DSCAML1: variants seen among roughly 807,000 people sequenced by gnomAD.
The protein encoded by DSCAML1 is DS cell adhesion molecule like 1.
In DSCAML1, 38 loss-of-function variants were observed where a neutral mutation model predicts 200.5. The observed-to-expected ratio is 0.19, with a 90% CI of 0.15 to 0.25. The LOEUF is 0.25. DSCAML1 is among the 10% of genes least tolerant of loss of function. DSCAML1 has a pLI of 1.00. For synonymous variants in DSCAML1, 1,215 were observed against 1,165.0 expected (o/e 1.04, Z -0.87); for missense variants, 2,223 against 2,858.8 (o/e 0.78, Z 5.07).
intron 3 of DSCAML1, among the ~76,000 whole-genome samples, chr11:117,591,185 C>T (rs59755550): frequency 0.1 from 15,249 of 152,154 alleles, 804 homozygotes; most frequent in Middle Eastern, 0.16. Context: ...CAGAGAGCAG[C>T]ACAGTTAGGA....
intron 3 of DSCAML1, among the ~76,000 whole-genome samples, chr11:117,578,714 C>T (rs1193236896): frequency 6.6e-6 from 1 of 151,990 alleles, no homozygotes. Context: ...GTTGGTGTGC[C>T]CCAAGGTCCT....
chr11:117,759,588 C>A (rs559863301), intron 3 of DSCAML1, among the ~76,000 whole-genome samples: 2 of 152,132 alleles, frequency 1.3e-5, no homozygotes, highest in South Asian at 4.1e-4. Flanking sequence ...TCCATGAGGG[C>A]GATCATCCGG....
rs141445343 is a variant in DSCAML1, at chr11:117,569,479, G to A, written c.512-36957C>T. On this transcript the variant is annotated intron_variant, in intron 3 of 32. Coordinates refer to ENST00000651296, the MANE Select transcript of DSCAML1 (RefSeq NM_020693.4). ...GTATTTTGTGTAGAGGTGGGATTTC[G>A]TCTTGTTGCCCAGGTCTCAAACTCT... 2.6e-3 allele frequency among the ~76,000 whole-genome samples: 398 copies of A among 152,220 alleles called. 4 individuals are homozygous for A. Among genetic ancestry groups the A allele is most frequent in the African/African-American group, 9.1e-3 (379 of 41,530 alleles).
At chr11:117,797,278 C>A (rs2055602453), upstream of DSCAML1, 9 of 1,345,964 alleles carry the variant, frequency 6.7e-6, no homozygotes, top group Non-Finnish European at 8.5e-6. Context: ...CTGGGCTAGG[C>A]GGCCGCTCTC....
intron 21 of DSCAML1, among the ~76,000 whole-genome samples, chr11:117,442,450 AGT>A (rs1037990739): frequency 2.7e-5 from 4 of 150,550 alleles, no homozygotes; most frequent in African/African-American, 4.9e-5. Flanking sequence ...TGTGTGTATA[AGT>A]GTGTGCGCGT....
chr11:117,672,454 T>C (rs138849244), intron 3 of DSCAML1, among the ~76,000 whole-genome samples: 3 of 152,262 alleles, frequency 2.0e-5, no homozygotes, highest in African/African-American at 7.2e-5. Context: ...TGCTGATGGC[T>C]TTATAGATCA....
At chr11:117,495,849 C>T (rs192908215) in intron 11 of DSCAML1, among the ~76,000 whole-genome samples, 3 of 152,326 alleles carry the variant, frequency 2.0e-5, no homozygotes, top group South Asian at 2.1e-4. Flanking sequence ...CTTAGAGTTC[C>T]GTTTTCTCTC....
intron 3 of DSCAML1, among the ~76,000 whole-genome samples, chr11:117,658,712 AATTAGG>A (rs2052782186): frequency 6.6e-6 from 1 of 152,210 alleles, no homozygotes; most frequent in Non-Finnish European, 1.5e-5. Context: ...AACAGCTGGG[AATTAGG>A]ATAAGCACAT....
intron 11 of DSCAML1, among the ~76,000 whole-genome samples, chr11:117,494,966 C>T (rs2049262764): frequency 6.6e-6 from 1 of 152,164 alleles, no homozygotes; most frequent in South Asian, 2.1e-4. Flanking sequence ...CTCCCAGCCT[C>T]CCAGAACTGT....
rs146675916 is a variant in DSCAML1 at position 117,428,356 on chromosome 11, G to C, written c.6134C>G (p.Ala2045Gly). ...VGRSQKQGAG[A>G]YSKSYTLV ...CACCAGGGTGTAGGATTTGGAGTAGGCCCCGGCCCCCTGCTTCTGAGACCT... is the reference window on the plus strand; with the variant it reads ...CACCAGGGTGTAGGATTTGGAGTAGCCCCCGGCCCCCTGCTTCTGAGACCT... The change falls in exon 33 of 33, where the codon GCC (alanine) becomes GGC (glycine). Residue 2045 changes from alanine to glycine, a missense_variant. By Grantham distance (60) the Ala-to-Gly change is moderately conservative (BLOSUM62 0). Around this residue, in one of 7 missense-constraint regions of DSCAML1, gnomAD observed 280 missense variants for 213.4 expected, o/e 1.31. Coordinates refer to ENST00000651296, the MANE Select transcript of DSCAML1 (RefSeq NM_020693.4). The C allele has an allele frequency of 6.3e-7, 1 of 1,579,468 alleles. No individual in the cohort carries two copies.
At chr11:117,548,035 G>A (rs770694801) in intron 3 of DSCAML1, among the ~76,000 whole-genome samples, 1 of 152,112 alleles carries the variant, frequency 6.6e-6, no homozygotes, top group Non-Finnish European at 1.5e-5. Context: ...CTGCATACTC[G>A]TCTCTACTGG....
Position 117,521,176 on chromosome 11 carries a change from G to A in DSCAML1, c.1167C>T (p.Thr389=), listed in dbSNP as rs939796003. The A allele has an allele frequency of 1.2e-6, 2 of 1,614,176 alleles. No individual in the cohort carries two copies. Among genetic ancestry groups the A allele is most frequent in the African/African-American group, 2.7e-5 (2 of 75,076 alleles). Residue 389 remains threonine, a synonymous_variant, in exon 6 of 33, where the codon ACC becomes ACT. Transcript: ENST00000651296. The part of the protein sequence containing the change: ...SHSGAYQCFA[T]RKAQTAQDFA... ...AGTCCTGGGCGGTCTGGGCCTTGCG[G>A]GTAGCGAAGCACTGGTAGGCCCCGG... is the stretch of plus-strand genomic sequence containing the variant.
chr11:117,730,578 C>T (rs953023736), intron 3 of DSCAML1, among the ~76,000 whole-genome samples: 7 of 152,176 alleles, frequency 4.6e-5, no homozygotes, highest in Admixed American at 1.3e-4. Context: ...GAGGATGTGA[C>T]GAAACTGGGA....
chr11:117,782,521 C>T (rs1054158525), intron 1 of DSCAML1, among the ~76,000 whole-genome samples: 1 of 152,190 alleles, frequency 6.6e-6, no homozygotes, highest in Non-Finnish European at 1.5e-5. Flanking sequence ...AGTTGGTGGC[C>T]AAGCAAGTCT....
chr11:117,693,012 A>G (rs925291586), intron 3 of DSCAML1, among the ~76,000 whole-genome samples: 1 of 152,194 alleles, frequency 6.6e-6, no homozygotes, highest in Non-Finnish European at 1.5e-5. Flanking sequence ...AAGTCCCTCC[A>G]AAAGTGTGAT....
At chr11:117,680,862 T>C (rs940487716) in intron 3 of DSCAML1, among the ~76,000 whole-genome samples, 3 of 152,160 alleles carry the variant, frequency 2.0e-5, no homozygotes, top group Non-Finnish European at 2.9e-5. Context: ...AGAACAGCAG[T>C]GACAGCTGCG....
intron 3 of DSCAML1, among the ~76,000 whole-genome samples, chr11:117,634,493 C>T (rs1048143000): frequency 6.6e-6 from 1 of 152,208 alleles, no homozygotes; most frequent in Non-Finnish European, 1.5e-5. Flanking sequence ...CTTTAGGGGG[C>T]CAGGCAAAGG....
In DSCAML1 at chr11:117,431,717, T is replaced by C; in HGVS notation, c.5191A>G (p.Arg1731Gly). 1.3e-6 allele frequency: 2 copies of C among 1,583,422 alleles called. No homozygotes were observed. Among genetic ancestry groups the C allele is most frequent in the Admixed American group, 1.7e-5 (1 of 57,332 alleles). Residue 1731 changes from arginine to glycine, a missense_variant, in exon 31 of 33, where the codon AGG becomes GGG. By Grantham distance (125) the Arg-to-Gly change is moderately radical. This residue lies in a region of DSCAML1 where 614 missense variants were observed against 739.1 expected (regional missense o/e 0.83). Transcript: ENST00000651296. Reference protein sequence around the residue: ...DIRPGTNPVSRKNVKSAHSTR... With the variant: ...DIRPGTNPVSGKNVKSAHSTR... The stretch of plus-strand genomic sequence containing the variant: ...CTGTGGGCTGACTTCACATTCTTCC[T>C]GGACACTGGATCTGCACAGACAGAA...
chr11:117,461,070 C>G (rs369405293), intron 18 of DSCAML1, among the ~76,000 whole-genome samples: 2 of 151,550 alleles, frequency 1.3e-5, no homozygotes, highest in Non-Finnish European at 1.5e-5. Flanking sequence ...AATATCAACA[C>G]TGAAACTAGA....
Sources: allele counts gnomAD v4.1 joint callset (sites outside exome capture counted in the v4.1 genomes callset), GRCh38; gene constraint gnomAD v4.1.1; regional missense constraint gnomAD v4.1.1; transcripts MANE v1.5; gene names NCBI Gene and HGNC (gene_info 2026-07-23, HGNC 2026-07-21).